SYCP1: variants seen among roughly 807,000 people sequenced by gnomAD.
SYCP1 encodes the protein cancer/testis antigen 8.
Under a neutral mutation model 153.1 loss-of-function variants are expected in SYCP1, and 64 were observed. The ratio of observed to expected loss-of-function variants is 0.42; its 90% CI spans 0.34 to 0.51. SYCP1 has a LOEUF of 0.51. Among genes scored for constraint, SYCP1 ranks in the 20% least tolerant of loss-of-function variants. The pLI is 0.06. For synonymous variants in SYCP1, 384 were observed against 341.8 expected (o/e 1.12, Z -1.36); for missense variants, 997 against 1,049.0 (o/e 0.95, Z 0.68).
chr1:114,892,046 G>A (rs1666741317), intron 15 of SYCP1, among the ~76,000 whole-genome samples: 1 of 152,168 alleles, frequency 6.6e-6, no homozygotes, highest in South Asian at 2.1e-4. Context: ...AGCTGTGGTG[G>A]TAGTGGCAGG....
At position 114,913,965 on chromosome 1, in the gene SYCP1, A is replaced by G. The variant is rs773100503; in HGVS notation, c.1648-10A>G. 1.2e-5 allele frequency: 18 copies of G among 1,531,046 alleles called. No homozygotes were observed. The highest frequency in any genetic ancestry group is 1.9e-4 in the Middle Eastern group (1 of 5,194). 94.8% of individuals were successfully genotyped at this position (1,531,046 alleles called of 1,614,324 possible). A position where few individuals can be genotyped will look rare whatever the true frequency, so the allele number is the denominator to read the frequency against. On this transcript the variant is annotated splice_polypyrimidine_tract_variant and intron_variant, in intron 19 of 31. Coordinates refer to ENST00000369522, the MANE Select transcript of SYCP1 (RefSeq NM_003176.4). ...CAAAATAATTGATATAAACAACATT[A>G]TTTCTTTAGAATAACAAAAAGCAAG... is the stretch of plus-strand genomic sequence containing the variant.
chr1:114,909,309 C>CA (rs1277503556), intron 16 of SYCP1, among the ~76,000 whole-genome samples: 1 of 152,006 alleles, frequency 6.6e-6, no homozygotes, highest in Non-Finnish European at 1.5e-5. Context: ...GCCTATACCA[C>CA]ACTGCTTAGC....
At chr1:114,974,672 T>C (rs530638879) in intron 27 of SYCP1, among the ~76,000 whole-genome samples, 66 of 151,980 alleles carry the variant, frequency 4.3e-4, no homozygotes, top group African/African-American at 1.6e-3. Context: ...AGGATGCCCT[T>C]TTTAAAGGCT....
rs188074562 is a variant in SYCP1 at position 114,940,493 on chromosome 1, G to A, written c.1927-3846G>A. Among the ~76,000 whole-genome samples, 158 of 152,132 alleles carry A rather than the reference G, an allele frequency of 1.0e-3. 2 individuals are homozygous for A. The highest frequency in any genetic ancestry group is 3.7e-3 in the African/African-American group (153 of 41,508). ...TCCCACTAAGTATTGCTGTATCTGT[G>A]TCCTATAGGTTTTGATATATAGTAA... On this transcript the variant is annotated intron_variant, in intron 23 of 31. Transcript: ENST00000369522.
chr1:114,938,135 T>G (rs995022092), intron 23 of SYCP1, among the ~76,000 whole-genome samples: 1 of 151,984 alleles, frequency 6.6e-6, no homozygotes, highest in African/African-American at 2.4e-5. Flanking sequence ...TAGCAAAGAC[T>G]TGGAACCAAC....
intron 16 of SYCP1, among the ~76,000 whole-genome samples, chr1:114,905,829 T>C (rs1387847885): frequency 6.6e-6 from 1 of 152,208 alleles, no homozygotes; most frequent in Non-Finnish European, 1.5e-5. Context: ...AAGAAATTAG[T>C]CCATTTCCCC....
At chr1:114,912,451 A>C (rs1008966417) in intron 18 of SYCP1, among the ~76,000 whole-genome samples, 3 of 151,996 alleles carry the variant, frequency 2.0e-5, no homozygotes, top group African/African-American at 7.2e-5. Context: ...CTTCATTTAA[A>C]ATTGATATTG....
chr1:114,929,071 C>T (rs574773518), intron 23 of SYCP1, among the ~76,000 whole-genome samples: 44 of 152,176 alleles, frequency 2.9e-4, no homozygotes, highest in Non-Finnish European at 5.1e-4. Flanking sequence ...CTTTTTACAA[C>T]GTGACACTAA....
At chr1:114,967,753 G>T (rs1460416557) in intron 27 of SYCP1, among the ~76,000 whole-genome samples, 2 of 152,194 alleles carry the variant, frequency 1.3e-5, no homozygotes, top group Non-Finnish European at 2.9e-5. Context: ...TTGCCCATTA[G>T]TTGATGCAGT....
chr1:114,896,034 T>G (rs1667040096), intron 16 of SYCP1, among the ~76,000 whole-genome samples: 1 of 152,188 alleles, frequency 6.6e-6, no homozygotes, highest in South Asian at 2.1e-4. Context: ...CTTCTCTGCC[T>G]TTGCCTCCTC....
At position 114,949,946 on chromosome 1, in the gene SYCP1, CAT is replaced by C. The variant is rs377463799; in HGVS notation, c.2322+2627_2322+2628del. Among the ~76,000 whole-genome samples, 413 of 152,274 alleles carry C rather than the reference CAT, an allele frequency of 2.7e-3. 1 individual carries two copies. Among genetic ancestry groups the C allele is most frequent in the African/African-American group, 9.4e-3 (392 of 41,552 alleles). ...CTATGAAAAAATATATAAACACAAA[CAT>C]GTGCACACATGCACACACACAAATA... On this transcript the variant is annotated intron_variant, in intron 27 of 31. Transcript: ENST00000369522.
At chr1:114,972,204 A>G (rs902842592) in intron 27 of SYCP1, among the ~76,000 whole-genome samples, 5 of 152,052 alleles carry the variant, frequency 3.3e-5, no homozygotes, top group African/African-American at 1.2e-4. Context: ...ATTGGCATAT[A>G]TTTACCTCAT....
At chr1:114,922,048 T>A (rs777270961) in intron 20 of SYCP1, among the ~76,000 whole-genome samples, 1 of 152,190 alleles carries the variant, frequency 6.6e-6, no homozygotes, top group Non-Finnish European at 1.5e-5. Flanking sequence ...TTGCTGCTTT[T>A]GGGATTCTTT....
intron 16 of SYCP1, among the ~76,000 whole-genome samples, chr1:114,900,631 A>G (rs1047653719): frequency 1.3e-5 from 2 of 152,204 alleles, no homozygotes; most frequent in African/African-American, 4.8e-5. Flanking sequence ...CACACCTCAC[A>G]TGTAAATCTA....
At chr1:114,908,587 G>T (rs1206008667) in intron 16 of SYCP1, among the ~76,000 whole-genome samples, 1 of 151,996 alleles carries the variant, frequency 6.6e-6, no homozygotes, top group African/African-American at 2.4e-5. Context: ...CGATTCTGTT[G>T]TTCTGATAGT....
intron 27 of SYCP1, among the ~76,000 whole-genome samples, chr1:114,976,828 CA>C (rs1437438324): frequency 8.6e-5 from 13 of 151,754 alleles, no homozygotes; most frequent in African/African-American, 2.7e-4. Context: ...ATGGTGTATG[CA>C]AGGTATTCAG....
At chr1:114,881,430 A>G (rs1458636720) in intron 12 of SYCP1, among the ~76,000 whole-genome samples, 2 of 152,180 alleles carry the variant, frequency 1.3e-5, no homozygotes, top group African/African-American at 4.8e-5. Context: ...ATATGTTTGC[A>G]TGATATGTCT....
At chr1:114,855,880 G>C (rs1249140355) in intron 2 of SYCP1, among the ~76,000 whole-genome samples, 3 of 152,120 alleles carry the variant, frequency 2.0e-5, no homozygotes, top group Admixed American at 6.5e-5. Context: ...AGTAGAATAT[G>C]TTAGGATAAA....
Position 114,930,825 on chromosome 1 carries a change from C to T in SYCP1, c.1926+4262C>T, listed in dbSNP as rs182743110. On this transcript the variant is annotated intron_variant, in intron 23 of 31. Coordinates refer to ENST00000369522, the MANE Select transcript of SYCP1 (RefSeq NM_003176.4). ...CATCTGAATAAAAGAAAATTACAGG[C>T]CAATATCCCTATGAATATGAGTATA... Among the ~76,000 whole-genome samples the T allele has an allele frequency of 3.8e-4, 58 of 151,346 alleles. No homozygotes were observed. The East Asian group carries it at 9.5e-3, about 25-fold the overall frequency.
Sources: allele counts gnomAD v4.1 joint callset (sites outside exome capture counted in the v4.1 genomes callset), GRCh38; gene constraint gnomAD v4.1.1; transcripts MANE v1.5; gene names NCBI Gene and HGNC (gene_info 2026-07-23, HGNC 2026-07-21).